The following ERCC3 variants were observed in gnomAD, a reference collection of about 807,000 sequenced individuals.
ERCC3 encodes the protein ERCC excision repair 3, TFIIH core complex helicase subunit, also known as general transcription and DNA repair factor IIH helicase/translocase subunit XPB.
Under a neutral mutation model 94.2 loss-of-function variants are expected in ERCC3, and 66 were observed. The observed-to-expected ratio is 0.70, with a 90% CI of 0.57 to 0.86. The LOEUF is 0.86. ERCC3 is among the 40% of genes least tolerant of loss of function. ERCC3 has a pLI of 0.00. For missense variants in ERCC3, 829 were observed against 987.1 expected, an observed-to-expected ratio of 0.84 and a Z score of 2.15; for synonymous variants, 349 against 369.1, an observed-to-expected ratio of 0.95 and a Z score of 0.63.
chr2:127,289,256 A>G, intron 6 of ERCC3, 81 bp downstream of exon 6: 7 of 1,275,434 alleles, frequency 5.5e-6, no homozygotes, highest in South Asian at 2.4e-5. Flanking sequence ...CACACAGACT[A>G]CAGGCAGAGT....
rs371396764 is a variant in ERCC3, at chr2:127,286,890, G to A, written c.1155C>T (p.Asp385=). Residue 385 remains aspartate (D), a synonymous_variant, in exon 8 of 15, where the codon GAC becomes GAT. Transcript: ENST00000285398. ...KAQFKMWSTI[D]DSQICRFTSD... ...AGGTGAACCGGCAGATCTGGCTGTCGTCAATGGTGGACCACATCTTGAACT... is the reference window on the plus strand; with the variant it reads ...AGGTGAACCGGCAGATCTGGCTGTCATCAATGGTGGACCACATCTTGAACT... 277 of 1,614,232 alleles carry A rather than the reference G, an allele frequency of 1.7e-4. 2 individuals are homozygous for A. In the South Asian group the frequency reaches 2.0e-3, roughly 11 times the overall value.
At chr2:127,293,229 T>C (rs1030917272) in intron 2 of ERCC3, among the ~76,000 whole-genome samples, 1 of 152,230 alleles carries the variant, frequency 6.6e-6, no homozygotes, top group Admixed American at 6.5e-5. Context: ...TGATAAATGC[T>C]ATTTATTCGG....
intron 4 of ERCC3, 164 bp from the exon 5 acceptor site, chr2:127,289,988 G>A (rs1282549170): frequency 3.3e-6 from 3 of 910,832 alleles, no homozygotes; most frequent in Non-Finnish European, 5.2e-6. Flanking sequence ...TAACATATGA[G>A]GGTTGTGACT....
In ERCC3 at chr2:127,293,557, G is replaced by C. The variant is rs2104782895; in HGVS notation, c.190C>G (p.Gln64Glu). The C allele has an allele frequency of 1.9e-6, 3 of 1,614,184 alleles. No individual in the cohort carries two copies. Among genetic ancestry groups the C allele is most frequent in the Non-Finnish European group, 2.5e-6 (3 of 1,180,028 alleles). The change falls in exon 2 of 15, where the codon CAA becomes GAA. Residue 64 changes from glutamine (Q) to glutamate (E), a missense_variant. Physicochemically the swap from Gln to Glu is conservative, Grantham distance 29. Transcript: ENST00000285398. ...DEYGAKDYRL[Q>E]MPLKDDHTSR... ...GTGTGGTCGTCCTTCAGCGGCATTT[G>C]CAGCCTGTAGTCCTTGGCTCCATAT...
At chr2:127,275,385 T>C (rs1684703890) in intron 10 of ERCC3, among the ~76,000 whole-genome samples, 1 of 152,132 alleles carries the variant, frequency 6.6e-6, no homozygotes, top group Admixed American at 6.5e-5. Context: ...ACTTCATACA[T>C]TTAAAGGCCA....
chr2:127,289,452 G>C lies in ERCC3; in HGVS notation c.707C>G (p.Thr236Arg). ...GATGTCAGATTTACCCTGTGGATCT[G>C]TCACTCGGGAAGTGGAGGGCCCACC... The part of the protein sequence containing the change: ...SSGGPSTSRV[T>R]DPQGKSDIPM... Residue 236 changes from threonine to arginine, a missense_variant, in exon 6 of 15, where the codon ACA becomes AGA. Thr to Arg is a moderately conservative substitution (Grantham distance 71). Coordinates refer to ENST00000285398, the MANE Select transcript of ERCC3 (RefSeq NM_000122.2). The C allele has an allele frequency of 6.2e-7, 1 of 1,613,080 alleles. No homozygotes were observed. Among genetic ancestry groups the C allele is most frequent in the South Asian group, 1.1e-5 (1 of 91,018 alleles).
At chr2:127,262,124 T>C (rs996610787) in intron 12 of ERCC3, 16 of 152,432 alleles carry the variant, frequency 1.0e-4, no homozygotes, top group African/African-American at 3.9e-4. Flanking sequence ...GGTATGTCCA[T>C]GGAATCGAAT....
intron 6 of ERCC3, 64 bp from the exon 7 acceptor site, chr2:127,288,928 C>A: frequency 7.9e-7 from 1 of 1,271,376 alleles, no homozygotes; most frequent in Non-Finnish European, 1.2e-6. Context: ...ATTACATCTT[C>A]TAAGAGGTCC....
At position 127,288,796 on chromosome 2, in the gene ERCC3, G is replaced by A. The variant is rs758268800; in HGVS notation, c.891C>T (p.Phe297=). The change falls in exon 7 of 15, where the codon TTC becomes TTT. Residue 297 remains phenylalanine, a synonymous_variant. Transcript: ENST00000285398. ...TATCAGGGTTGACAGAATCATTCCG[G>A]AAGTCATATTCTGCCAACAGAGGGT... ...LEYPLLAEYD[F]RNDSVNPDIN... The A allele has an allele frequency of 4.3e-6, 7 of 1,613,894 alleles. No homozygotes were observed. Among genetic ancestry groups the A allele is most frequent in the Non-Finnish European group, 5.1e-6 (6 of 1,179,912 alleles).
Position 127,259,144 on chromosome 2 carries a change from G to A in ERCC3, c.2217+152C>T. On this transcript the variant is annotated intron_variant, in intron 14 of 14. Transcript: ENST00000285398. This position sits in a 1 kb window ranked among gnomAD's most constrained non-coding sequence, Gnocchi z 4.9. Reference sequence around the variant, plus strand: ...GGGGCACACACCAAAAGGGCAACAAGGATTGTTTCTGTTCATCTCTTCCGT... The same window carrying A: ...GGGGCACACACCAAAAGGGCAACAAAGATTGTTTCTGTTCATCTCTTCCGT... 2 of 890,746 alleles carry A rather than the reference G, an allele frequency of 2.2e-6. No homozygotes were observed. Among genetic ancestry groups the A allele is most frequent in the Non-Finnish European group, 3.6e-6 (2 of 556,870 alleles). 55.2% of individuals were successfully genotyped at this position (890,746 alleles called of 1,614,324 possible). A position where few individuals can be genotyped will look rare whatever the true frequency, so the allele number is the denominator to read the frequency against.
At position 127,273,109 on chromosome 2, in the gene ERCC3, T is replaced by G. The variant is rs4150485; in HGVS notation, c.1731-148A>C. 2,905 of 620,318 alleles carry G rather than the reference T, an allele frequency of 4.7e-3. 57 individuals are homozygous for G. The highest frequency in any genetic ancestry group is 0.046 in the African/African-American group (2,531 of 54,542). 38.4% of individuals were successfully genotyped at this position (620,318 alleles called of 1,614,324 possible). On this transcript the variant is annotated intron_variant, in intron 10 of 14. Transcript: ENST00000285398. The stretch of plus-strand genomic sequence containing the variant: ...ATATCGTTACACCCAAAAAAATGAC[T>G]GGCTACAGATGCACCTCCCAGCCTT...
chr2:127,273,934 G>A (rs1684651262), intron 10 of ERCC3, among the ~76,000 whole-genome samples: 1 of 151,526 alleles, frequency 6.6e-6, no homozygotes, highest in Non-Finnish European at 1.5e-5. Context: ...TGATGATGAT[G>A]ATGACAACAG....
intron 10 of ERCC3, 35 bp from the exon 11 acceptor site, chr2:127,272,996 T>C (rs766946923): frequency 1.6e-6 from 2 of 1,288,370 alleles, no homozygotes; most frequent in East Asian, 4.6e-5. Context: ...GACCACAGAA[T>C]AATGCCTCAG....
chr2:127,290,416 G>C (rs1223202988), intron 3 of ERCC3, 143 bp from the exon 4 acceptor site: 3 of 739,370 alleles, frequency 4.1e-6, no homozygotes, highest in Non-Finnish European at 7.4e-6. Context: ...AAAGTGGTCA[G>C]ATGTGCCTAA....
chr2:127,269,551 A>G (rs927270746), intron 12 of ERCC3, among the ~76,000 whole-genome samples: 4 of 150,214 alleles, frequency 2.7e-5, no homozygotes, highest in Non-Finnish European at 4.4e-5. Flanking sequence ...CCTCCCGAGT[A>G]GCTGGGACTA....
At chr2:127,263,450 T>C (rs1033257756) in intron 12 of ERCC3, among the ~76,000 whole-genome samples, 1 of 152,228 alleles carries the variant, frequency 6.6e-6, no homozygotes, top group Non-Finnish European at 1.5e-5. Flanking sequence ...ATAGAAATGC[T>C]ACTGATTTTT....
At position 127,257,868 on chromosome 2, in the gene ERCC3, T is replaced by G; in HGVS notation, c.2218-141A>C. 1 of 964,070 alleles carries G rather than the reference T, an allele frequency of 1.0e-6. No individual in the cohort carries two copies. Among genetic ancestry groups the G allele is most frequent in the Non-Finnish European group, 1.6e-6 (1 of 628,550 alleles). 59.7% of individuals were successfully genotyped at this position (964,070 alleles called of 1,614,324 possible). ...TTAATAATGTTTACAGATCGCTTAC[T>G]GTCTCAGGCATTGTTCTAAGCATTT... On this transcript the variant is annotated intron_variant, in intron 14 of 14. Transcript: ENST00000285398. This position sits in a 1 kb window ranked among gnomAD's most constrained non-coding sequence, Gnocchi z 5.4.
At chr2:127,293,421 T>C (rs1452257905) in intron 2 of ERCC3, 92 bp downstream of exon 2, 30 of 1,168,742 alleles carry the variant, frequency 2.6e-5, no homozygotes, top group Non-Finnish European at 3.6e-5. Context: ...AGGGGCAGTA[T>C]CCTGAATGTC....
At chr2:127,282,492 G>A (rs958014919) in intron 8 of ERCC3, among the ~76,000 whole-genome samples, 18 of 152,186 alleles carry the variant, frequency 1.2e-4, no homozygotes, top group African/African-American at 4.3e-4. Context: ...ACCATAATAT[G>A]AATCATTAAT....
Sources: gnomAD v4.1 joint callset for allele counts (sites outside exome capture counted in the v4.1 genomes callset) on GRCh38, gnomAD v4.1.1 for gene constraint, Gnocchi (gnomAD v3.1) non-coding constraint, MANE v1.5 for transcripts, NCBI Gene and HGNC (gene_info 2026-07-23, HGNC 2026-07-21) for gene names.